UNC5C: variants seen among roughly 807,000 people sequenced by gnomAD.
The protein encoded by UNC5C is netrin receptor UNC5C.
Under a neutral mutation model 99.8 loss-of-function variants are expected in UNC5C, and 47 were observed. The observed-to-expected ratio is 0.47, with a 90% CI of 0.37 to 0.60. UNC5C has a LOEUF of 0.60. Among genes scored for constraint, UNC5C ranks in the 20% least tolerant of loss-of-function variants. The probability of loss-of-function intolerance (pLI) is 0.00; values close to 1 mark genes in which losing one functional copy is unlikely to be tolerated. For missense variants in UNC5C, 1,062 were observed against 1,165.9 expected (o/e 0.91, Z 1.30); for synonymous variants, 487 against 452.2 (o/e 1.08, Z -0.98).
intron 2 of UNC5C, among the ~76,000 whole-genome samples, chr4:95,309,550 G>A (rs975806041): frequency 1.3e-5 from 2 of 151,962 alleles, no homozygotes; most frequent in African/African-American, 4.8e-5. Flanking sequence ...AGGGTCAATA[G>A]ATAAAATATA....
chr4:95,516,513 T>C (rs187922659), intron 1 of UNC5C, among the ~76,000 whole-genome samples: 107 of 152,280 alleles, frequency 7.0e-4, no homozygotes, highest in Non-Finnish European at 1.3e-3. Flanking sequence ...CCAAATTCCC[T>C]GTTTTCGGAG....
At chr4:95,206,572 C>T in intron 11 of UNC5C, 56 bp downstream of exon 11, 1 of 1,605,724 alleles carries the variant, frequency 6.2e-7, no homozygotes, top group Non-Finnish European at 8.5e-7. Flanking sequence ...ATAATTGCTC[C>T]TGCTTATCTG....
At chr4:95,521,579 C>T (rs754929436) in intron 1 of UNC5C, among the ~76,000 whole-genome samples, 1 of 152,042 alleles carries the variant, frequency 6.6e-6, no homozygotes, top group Admixed American at 6.6e-5. Context: ...ATGACCTCAC[C>T]TAGTCCTAAT....
intron 10 of UNC5C, 59 bp downstream of exon 10, chr4:95,216,065 A>G (rs1282276155): frequency 2.3e-5 from 33 of 1,445,136 alleles, no homozygotes; most frequent in Non-Finnish European, 3.2e-5. Flanking sequence ...TGTCTATTGT[A>G]CAATTCTCCT....
intron 12 of UNC5C, among the ~76,000 whole-genome samples, chr4:95,195,351 A>G (rs1458415903): frequency 1.3e-5 from 2 of 152,222 alleles, no homozygotes; most frequent in Non-Finnish European, 2.9e-5. Context: ...GCAATGATGC[A>G]CTAGGAACCT....
At chr4:95,256,288 T>C (rs1476834311) in intron 4 of UNC5C, among the ~76,000 whole-genome samples, 1 of 152,166 alleles carries the variant, frequency 6.6e-6, no homozygotes, top group Non-Finnish European at 1.5e-5. Flanking sequence ...ACTGTCTTCA[T>C]GCAACTCCAC....
rs1381557395 is a variant in UNC5C, at chr4:95,166,887, C to T, written c.*2347G>A. 2 of 152,096 alleles carry T rather than the reference C, an allele frequency of 1.3e-5. No homozygotes were observed. The highest frequency in any genetic ancestry group is 2.4e-5 in the African/African-American group (1 of 41,404). 9.4% of individuals were successfully genotyped at this position (152,096 alleles called of 1,614,324 possible). A position where few individuals can be genotyped will look rare whatever the true frequency, so the allele number is the denominator to read the frequency against. ...CTCATTGCTACAAACATCCACTGAA[C>T]TTGTTTATAGTGCAATCTCTCCCTT... is the stretch of plus-strand genomic sequence containing the variant. On this transcript the variant is annotated 3_prime_UTR_variant, in exon 16 of 16. Transcript: ENST00000453304.
intron 1 of UNC5C, among the ~76,000 whole-genome samples, chr4:95,389,709 T>C (rs1313189600): frequency 6.6e-6 from 1 of 152,130 alleles, no homozygotes; most frequent in African/African-American, 2.4e-5. Flanking sequence ...ATACAGATCA[T>C]GTATTTCTGA....
At position 95,483,030 on chromosome 4, in the gene UNC5C, TAA is replaced by T. The variant is rs1435898050; in HGVS notation, c.124+65702_124+65703del. Among the ~76,000 whole-genome samples, 7 of 143,972 alleles carry T rather than the reference TAA, an allele frequency of 4.9e-5. No homozygotes were observed. The Admixed American group carries it at 4.9e-4, about 10-fold the overall frequency. The allele number at this position is 143,972 out of a possible 152,430, so 94.5% of individuals were successfully genotyped here. On this transcript the variant is annotated intron_variant, in intron 1 of 15. Transcript: ENST00000453304. ...ATAATAATAATAATAATAATAATAA[TAA>T]TAATAATAATAAAAACACATGCAGT...
At chr4:95,218,565 GTAT>G (rs987259999) in intron 9 of UNC5C, among the ~76,000 whole-genome samples, 43 of 152,238 alleles carry the variant, frequency 2.8e-4, no homozygotes, top group East Asian at 9.6e-4. Context: ...TTTGTTTTCT[GTAT>G]TATTGCTTCA....
chr4:95,528,791 T>C (rs74641888), intron 1 of UNC5C, among the ~76,000 whole-genome samples: 2,390 of 152,122 alleles, frequency 0.016, 64 homozygotes, highest in African/African-American at 0.055. Context: ...CCAGGGAAGA[T>C]AGGCTCTCAA....
chr4:95,466,835 G>A (rs929134204), intron 1 of UNC5C, among the ~76,000 whole-genome samples: 1 of 152,110 alleles, frequency 6.6e-6, no homozygotes, highest in South Asian at 2.1e-4. Flanking sequence ...TCTTTGATAC[G>A]ACGTCATTTA....
At chr4:95,531,901 A>G (rs746843339) in intron 1 of UNC5C, among the ~76,000 whole-genome samples, 3 of 152,178 alleles carry the variant, frequency 2.0e-5, no homozygotes, top group Non-Finnish European at 2.9e-5. Context: ...AAATTTCATC[A>G]CTCAACTTGA....
At chr4:95,532,941 T>G in intron 1 of UNC5C, among the ~76,000 whole-genome samples, 1 of 150,966 alleles carries the variant, frequency 6.6e-6, no homozygotes, top group East Asian at 1.9e-4. Context: ...GAAAAAAAGT[T>G]CTACTGATGG....
At chr4:95,525,800 A>G (rs1404914551) in intron 1 of UNC5C, among the ~76,000 whole-genome samples, 2 of 152,096 alleles carry the variant, frequency 1.3e-5, no homozygotes, top group Non-Finnish European at 2.9e-5. Context: ...TGGTGGAATA[A>G]GAGCTAACAA....
At chr4:95,371,329 C>A (rs956987091) in intron 1 of UNC5C, among the ~76,000 whole-genome samples, 2 of 151,330 alleles carry the variant, frequency 1.3e-5, no homozygotes, top group Non-Finnish European at 2.9e-5. Context: ...ATGTTGCAAA[C>A]CCCACTGTAC....
rs1032622649 is a variant in UNC5C at position 95,271,471 on chromosome 4, C to T, written c.594+6788G>A. 3.9e-4 allele frequency among the ~76,000 whole-genome samples: 59 copies of T among 151,972 alleles called. 1 individual carries two copies. The highest frequency in any genetic ancestry group is 1.2e-3 in the African/African-American group (51 of 41,368). On this transcript the variant is annotated intron_variant, in intron 4 of 15. Coordinates refer to ENST00000453304, the MANE Select transcript of UNC5C (RefSeq NM_003728.4). ...GTCTCGATCTCCTGACCTCGTGATC[C>T]GCCCGCCTCGGCCTACCAAAGTGCT...
intron 1 of UNC5C, among the ~76,000 whole-genome samples, chr4:95,456,028 C>T (rs1330462208): frequency 6.6e-6 from 1 of 151,984 alleles, no homozygotes; most frequent in Admixed American, 6.6e-5. Flanking sequence ...TGACTGCTAC[C>T]CGGTGAGGCC....
chr4:95,174,894 C>T (rs1328900496), intron 14 of UNC5C, among the ~76,000 whole-genome samples: 5 of 150,042 alleles, frequency 3.3e-5, no homozygotes, highest in Admixed American at 6.7e-5. Flanking sequence ...CTTTGTAGGT[C>T]ACTCAGGACT....
Sources: allele counts gnomAD v4.1 joint callset (sites outside exome capture counted in the v4.1 genomes callset), GRCh38; gene constraint gnomAD v4.1.1; transcripts MANE v1.5; gene names NCBI Gene and HGNC (gene_info 2026-07-23, HGNC 2026-07-21).